The following VEPH1 variants were observed in gnomAD, a reference collection of about 807,000 sequenced individuals.
VEPH1 encodes the protein ventricular zone expressed PH domain containing 1, also known as ventricular zone-expressed PH domain-containing protein homolog 1.
In VEPH1, 80 loss-of-function variants were observed where a neutral mutation model predicts 85.2. The ratio of observed to expected loss-of-function variants is 0.94; its 90% CI spans 0.78 to 1.13. VEPH1 has a LOEUF of 1.13. VEPH1 is among the 50% of genes most tolerant of loss of function. VEPH1 has a pLI of 0.00. For synonymous variants in VEPH1, 297 were observed against 348.0 expected, an observed-to-expected ratio of 0.85 and a Z score of 1.63; for missense variants, 955 against 980.5, an observed-to-expected ratio of 0.97 and a Z score of 0.35.
rs757446502 is a variant in VEPH1, at chr3:157,437,807, C to T, written c.530-9319G>A. On this transcript the variant is annotated intron_variant, in intron 4 of 13. Transcript: ENST00000362010. Reference sequence around the variant, plus strand: ...ATGGAGGGCGCGGAGGCGCAGCGCCCAGAGGAGGCGGGGCGCGCCCTGGCC... The same window carrying T: ...ATGGAGGGCGCGGAGGCGCAGCGCCTAGAGGAGGCGGGGCGCGCCCTGGCC... 2.1e-6 allele frequency: 3 copies of T among 1,461,822 alleles called. No homozygotes were observed. In the South Asian group the frequency reaches 4.1e-5, roughly 20 times the overall value. 90.6% of individuals were successfully genotyped at this position (1,461,822 alleles called of 1,614,324 possible).
At chr3:157,335,536 G>T (rs1722887899) in intron 9 of VEPH1, among the ~76,000 whole-genome samples, 1 of 152,160 alleles carries the variant, frequency 6.6e-6, no homozygotes, top group Admixed American at 6.5e-5. Context: ...ATGAAGAAAG[G>T]TAGTCAAATC....
At chr3:157,408,967 G>T (rs938521131) in intron 6 of VEPH1, among the ~76,000 whole-genome samples, 3 of 152,126 alleles carry the variant, frequency 2.0e-5, no homozygotes, top group African/African-American at 7.2e-5. Context: ...TGAGACCACA[G>T]AAGACTTTGT....
At chr3:157,375,064 T>C (rs1468733863) in intron 7 of VEPH1, among the ~76,000 whole-genome samples, 2 of 152,220 alleles carry the variant, frequency 1.3e-5, no homozygotes, top group Non-Finnish European at 2.9e-5. Flanking sequence ...TGTTCTTGCC[T>C]GTCTGCAAGG....
intron 7 of VEPH1, among the ~76,000 whole-genome samples, chr3:157,373,942 G>T (rs919146173): frequency 6.6e-6 from 1 of 151,980 alleles, no homozygotes; most frequent in African/African-American, 2.4e-5. Flanking sequence ...ACACTCCCTG[G>T]GCCTGCTTCA....
chr3:157,414,185 A>G, intron 5 of VEPH1, 95 bp from the exon 6 acceptor site: 2 of 948,352 alleles, frequency 2.1e-6, no homozygotes, highest in African/African-American at 1.6e-5. Context: ...CTTTTTTTGC[A>G]TTAAACCTGA....
intron 9 of VEPH1, among the ~76,000 whole-genome samples, chr3:157,347,455 G>C (rs1724354695): frequency 6.6e-6 from 1 of 152,174 alleles, no homozygotes; most frequent in Non-Finnish European, 1.5e-5. Context: ...TGAAACATGG[G>C]CCATCACACA....
intron 12 of VEPH1, among the ~76,000 whole-genome samples, chr3:157,278,740 G>A (rs942112122): frequency 8.5e-5 from 13 of 152,178 alleles, no homozygotes; most frequent in Non-Finnish European, 1.6e-4. Flanking sequence ...CAATCTTGTG[G>A]TGATAGATTG....
intron 9 of VEPH1, among the ~76,000 whole-genome samples, chr3:157,349,882 A>C (rs1724670560): frequency 6.6e-6 from 1 of 152,206 alleles, no homozygotes; most frequent in Non-Finnish European, 1.5e-5. Context: ...GGGGGATACA[A>C]ACAAATGGAA....
intron 9 of VEPH1, among the ~76,000 whole-genome samples, chr3:157,332,754 T>G (rs1323151635): frequency 2.6e-5 from 4 of 152,244 alleles, no homozygotes; most frequent in Non-Finnish European, 4.4e-5. Flanking sequence ...TTGGAGTATA[T>G]TCCTAAGAGT....
chr3:157,283,561 G>T (rs112271905), intron 12 of VEPH1, among the ~76,000 whole-genome samples: 3 of 152,330 alleles, frequency 2.0e-5, no homozygotes, highest in African/African-American at 7.2e-5. Flanking sequence ...GGTGAAGTTG[G>T]TGGGAGGATG....
chr3:157,442,449 T>C, intron 4 of VEPH1: 4 of 1,614,136 alleles, frequency 2.5e-6, no homozygotes, highest in Non-Finnish European at 3.4e-6. Context: ...GAGGCTTGAG[T>C]CTTTTAGTGC....
At chr3:157,409,010 C>T (rs1331253794) in intron 6 of VEPH1, among the ~76,000 whole-genome samples, 3 of 152,064 alleles carry the variant, frequency 2.0e-5, no homozygotes, top group Non-Finnish European at 4.4e-5. Context: ...GTATTTTTCC[C>T]TCTCTCGTTG....
intron 5 of VEPH1, among the ~76,000 whole-genome samples, chr3:157,421,795 G>T (rs1445863862): frequency 6.6e-6 from 1 of 152,128 alleles, no homozygotes; most frequent in African/African-American, 2.4e-5. Flanking sequence ...GAAGGTAGGG[G>T]TGACAGGAAA....
At chr3:157,407,070 T>G (rs932636482) in intron 6 of VEPH1, among the ~76,000 whole-genome samples, 1 of 151,404 alleles carries the variant, frequency 6.6e-6, no homozygotes, top group Admixed American at 6.6e-5. Context: ...AAGAGGGCTA[T>G]AATAACGATA....
At position 157,445,158 on chromosome 3, in the gene VEPH1, A is replaced by T. The variant is rs151100916; in HGVS notation, c.529+15023T>A. On this transcript the variant is annotated intron_variant, in intron 4 of 13. Transcript: ENST00000362010. ...ATCTTAGACCAGGAGACCCCATGCA[A>T]CAATACAGAAGAAGCATGGGTTCCT... Among the ~76,000 whole-genome samples the T allele has an allele frequency of 2.7e-3, 410 of 152,304 alleles. 1 individual carries two copies. The highest frequency in any genetic ancestry group is 9.0e-3 in the African/African-American group (376 of 41,560).
intron 9 of VEPH1, chr3:157,363,151 G>C: frequency 4.8e-6 from 2 of 418,806 alleles, no homozygotes; most frequent in Non-Finnish European, 8.2e-6. Flanking sequence ...GTGGACTTAT[G>C]TGCACCCAAG....
chr3:157,464,906 T>G (rs990552095), intron 3 of VEPH1, among the ~76,000 whole-genome samples: 46 of 152,218 alleles, frequency 3.0e-4, no homozygotes, highest in African/African-American at 1.1e-3. Flanking sequence ...CATTCACTAT[T>G]ATCAATCAAA....
chr3:157,401,155 G>A (rs1340658548), intron 6 of VEPH1, among the ~76,000 whole-genome samples: 3 of 152,066 alleles, frequency 2.0e-5, no homozygotes, highest in African/African-American at 4.8e-5. Context: ...TGCAATCTCC[G>A]AGTGAAAGAG....
Position 157,364,485 on chromosome 3 carries a change from G to C in VEPH1, c.1155C>G (p.Phe385Leu), listed in dbSNP as rs780484401. 6 of 1,613,652 alleles carry C rather than the reference G, an allele frequency of 3.7e-6. No homozygotes were observed. Among genetic ancestry groups the C allele is most frequent in the Non-Finnish European group, 5.1e-6 (6 of 1,179,894 alleles). ...GCTTGGTTTCTTCCAGTTTCTCAGG[G>C]AATTCAATTTCAGTGCTGATTTTTC... ...GRRKISTEIE[F>L]PEKLEETKLI... is the part of the protein sequence containing the mutation. Residue 385 changes from phenylalanine to leucine, a missense_variant, in exon 8 of 14, where the codon TTC becomes TTG. Phe to Leu is a conservative substitution (Grantham distance 22, BLOSUM62 0). Transcript: ENST00000362010.
Sources: allele counts gnomAD v4.1 joint callset (sites outside exome capture counted in the v4.1 genomes callset), GRCh38; gene constraint gnomAD v4.1.1; transcripts MANE v1.5; gene names NCBI Gene and HGNC (gene_info 2026-07-23, HGNC 2026-07-21).